Variants in GOSR2 observed in about 807,000 individuals in gnomAD.
GOSR2 encodes the protein 27 kDa Golgi SNARE protein.
A neutral mutation model predicts 27.9 loss-of-function variants in GOSR2; 20 were observed. The observed-to-expected ratio is 0.72, with a 90% confidence interval of 0.50 to 1.04. The LOEUF is 1.04. Among genes scored for constraint, GOSR2 ranks in the 50% least tolerant of loss-of-function variants. GOSR2 has a pLI of 0.00. For missense variants in GOSR2, 261 were observed against 270.5 expected, an observed-to-expected ratio of 0.97 and a Z score of 0.25; for synonymous variants, 91 against 98.8, an observed-to-expected ratio of 0.92 and a Z score of 0.47.
chr17:46,929,833 G>A (rs954174034), intron 2 of GOSR2: 17 of 494,760 alleles, frequency 3.4e-5, no homozygotes, highest in African/African-American at 2.7e-4. Flanking sequence ...GAATGGAAGC[G>A]CTTGCCTCCA....
chr17:46,944,370 G>A (rs570184202), downstream of GOSR2, among the ~76,000 whole-genome samples: 1 of 152,288 alleles, frequency 6.6e-6, no homozygotes, highest in African/African-American at 2.4e-5. Flanking sequence ...ACACCTCTCA[G>A]CCTCAGCTTT....
intron 1 of GOSR2, among the ~76,000 whole-genome samples, chr17:46,928,244 G>T (rs1393631141): frequency 6.6e-6 from 1 of 152,156 alleles, no homozygotes; most frequent in East Asian, 1.9e-4. Flanking sequence ...GTGCCCGAGG[G>T]CATATCTGGA....
intron 5 of GOSR2, chr17:46,937,008 T>C (rs776625027): frequency 2.9e-5 from 5 of 173,262 alleles, no homozygotes; most frequent in Non-Finnish European, 5.7e-5. Context: ...TTAGATGCCA[T>C]GCATATAAGT....
At chr17:46,969,944 CG>C (rs1393859706), downstream of GOSR2, among the ~76,000 whole-genome samples, 2 of 152,120 alleles carry the variant, frequency 1.3e-5, no homozygotes, top group Non-Finnish European at 2.9e-5. Flanking sequence ...TGGTGATGTG[CG>C]GGGTGGGGGA....
chr17:46,959,539 G>C (rs527525218), intron 6 of GOSR2, among the ~76,000 whole-genome samples: 3 of 151,704 alleles, frequency 2.0e-5, no homozygotes, highest in African/African-American at 7.3e-5. Flanking sequence ...TGGAAGCCCA[G>C]GTTTTTGGGA....
At position 46,925,761 on chromosome 17, in the gene GOSR2, G is replaced by A. The variant is rs569932737; in HGVS notation, c.29+2540G>A. Among the ~76,000 whole-genome samples, 7 of 152,248 alleles carry A rather than the reference G, an allele frequency of 4.6e-5. No homozygotes were observed. In the South Asian group the frequency reaches 6.2e-4, roughly 14 times the overall value. ...ACCCAGTTTGTGATTATCTCTTGCC[G>A]TGTCACTGAATACATTGAGTACATT... On this transcript the variant is annotated intron_variant, in intron 1 of 5. Transcript: ENST00000640051.
At chr17:46,945,281 T>G (rs1015947192), downstream of GOSR2, among the ~76,000 whole-genome samples, 4 of 152,142 alleles carry the variant, frequency 2.6e-5, no homozygotes, top group African/African-American at 9.7e-5. Flanking sequence ...GCTGGGAAAC[T>G]TGCTGCTCAG....
At chr17:46,936,967 A>T (rs1347278365) in intron 5 of GOSR2, 217 of 179,280 alleles carry the variant, frequency 1.2e-3, no homozygotes, top group Non-Finnish European at 1.8e-3. Context: ...GTATTTATTA[A>T]AAAAAAAAAA....
At chr17:46,931,938 G>T in intron 3 of GOSR2, 129 bp from the exon 4 acceptor site, 1 of 801,520 alleles carries the variant, frequency 1.2e-6, no homozygotes, top group Admixed American at 1.8e-5. Context: ...CTTGTGGTGA[G>T]GGGGTATAGT....
At chr17:46,944,623 TTC>T (rs1491569025), downstream of GOSR2, among the ~76,000 whole-genome samples, 1 of 151,428 alleles carries the variant, frequency 6.6e-6, no homozygotes, top group African/African-American at 2.4e-5. Context: ...TTTTTTTTTT[TTC>T]CTCTCATTCT....
Position 46,940,776 on chromosome 17 carries a change from A to C in GOSR2, c.*2016A>C. On this transcript the variant is annotated 3_prime_UTR_variant, in exon 6 of 6. Transcript: ENST00000640051. ...CTTCAGAGCCAGTCCTCTAGTTTGG[A>C]ATAAAAATTGCAGAGGTGGTTTTTG... The C allele has an allele frequency of 6.6e-7, 1 of 1,519,302 alleles. No individual in the cohort carries two copies. The highest frequency in any genetic ancestry group is 8.8e-7 in the Non-Finnish European group (1 of 1,135,242). The allele number at this position is 1,519,302 out of a possible 1,614,324, so 94.1% of individuals were successfully genotyped here.
chr17:46,947,837 C>T (rs1447197817), intron 6 of GOSR2, among the ~76,000 whole-genome samples: 2 of 152,172 alleles, frequency 1.3e-5, no homozygotes, highest in African/African-American at 2.4e-5. Context: ...GGCACAATCT[C>T]GGCTCACCGT....
At chr17:46,972,252 C>G (rs534094357) in intron 6 of GOSR2, among the ~76,000 whole-genome samples, 1 of 152,312 alleles carries the variant, frequency 6.6e-6, no homozygotes, top group East Asian at 1.9e-4. Context: ...CTCCTCTCTT[C>G]CCTTCTCCTT....
intron 6 of GOSR2, among the ~76,000 whole-genome samples, chr17:46,956,033 C>A (rs1476822741): frequency 6.6e-6 from 1 of 152,094 alleles, no homozygotes; most frequent in African/African-American, 2.4e-5. Context: ...GCCTCCTTGG[C>A]AAGACAGGAA....
chr17:46,974,982 A>ATTTTTT (rs1245399884), intron 6 of GOSR2, among the ~76,000 whole-genome samples: 1 of 69,814 alleles, frequency 1.4e-5, no homozygotes, highest in African/African-American at 5.1e-5. Flanking sequence ...ATGAATTACT[A>ATTTTTT]TTTTCTTTTT....
Position 46,939,122 on chromosome 17 carries a change from G to A in GOSR2, c.*362G>A. On this transcript the variant is annotated 3_prime_UTR_variant, in exon 6 of 6. Transcript: ENST00000640051. Reference sequence around the variant, plus strand: ...GCCCTGTGTGCAGGACTGTCCACACGGTTCACACCTTGTCACCATCAGGCC... The same window carrying A: ...GCCCTGTGTGCAGGACTGTCCACACAGTTCACACCTTGTCACCATCAGGCC... The A allele has an allele frequency of 2.6e-6, 3 of 1,158,586 alleles. No homozygotes were observed. Among genetic ancestry groups the A allele is most frequent in the Non-Finnish European group, 3.2e-6 (3 of 926,404 alleles). The allele number at this position is 1,158,586 out of a possible 1,614,324, so 71.8% of individuals were successfully genotyped here. A position where few individuals can be genotyped will look rare whatever the true frequency, so the allele number is the denominator to read the frequency against.
intron 6 of GOSR2, among the ~76,000 whole-genome samples, chr17:46,962,591 CTG>C (rs2091125799): frequency 6.6e-6 from 1 of 152,178 alleles, no homozygotes; most frequent in African/African-American, 2.4e-5. Flanking sequence ...GCTGTCTAGA[CTG>C]TGTGGAGAAG....
chr17:46,966,631 G>A (rs2091333499), exon 7 of GOSR2: 1 of 662,134 alleles, frequency 1.5e-6, no homozygotes, highest in Non-Finnish European at 2.8e-6. Flanking sequence ...TTATAGGTAT[G>A]AGCCACCACC....
chr17:46,955,333 T>C (rs1292666420), intron 6 of GOSR2, among the ~76,000 whole-genome samples: 6 of 152,170 alleles, frequency 3.9e-5, no homozygotes, highest in African/African-American at 1.4e-4. Context: ...GATTTTCGTA[T>C]GTTGAACCAG....
Sources: gnomAD v4.1 joint callset for allele counts (sites outside exome capture counted in the v4.1 genomes callset) on GRCh38, gnomAD v4.1.1 for gene constraint, MANE v1.5 for transcripts, NCBI Gene and HGNC (gene_info 2026-07-23, HGNC 2026-07-21) for gene names.